IL22RA2: variants seen among roughly 807,000 people sequenced by gnomAD.
IL22RA2 encodes the protein interleukin-22 receptor subunit alpha-2.
A neutral mutation model predicts 30.7 loss-of-function variants in IL22RA2; 39 were observed. The ratio of observed to expected loss-of-function variants is 1.27; its 90% CI spans 0.98 to 1.66. The LOEUF (loss-of-function observed/expected upper bound fraction) is 1.66. Ranked by LOEUF, IL22RA2 falls within the 40% of genes most tolerant of loss-of-function variation. The pLI is 0.00. For missense variants in IL22RA2, 315 were observed against 312.7 expected (o/e 1.01, Z -0.05); for synonymous variants, 103 against 105.0 (o/e 0.98, Z 0.11).
intron 1 of IL22RA2, among the ~76,000 whole-genome samples, chr6:137,165,659 T>TG (rs905448898): frequency 6.6e-6 from 1 of 152,158 alleles, no homozygotes; most frequent in African/African-American, 2.4e-5. Context: ...TGCAAGCAGA[T>TG]GGGACACTAG....
At chr6:137,160,649 T>C (rs186539748) in intron 2 of IL22RA2, among the ~76,000 whole-genome samples, 14 of 152,328 alleles carry the variant, frequency 9.2e-5, no homozygotes, top group African/African-American at 2.9e-4. Context: ...CATTAACTTA[T>C]GTTAGGCACT....
rs763455584 is a variant in IL22RA2 at position 137,144,891 on chromosome 6, AAAAC to A, written c.*729_*732del. 1 of 152,194 alleles carries A rather than the reference AAAAC, an allele frequency of 6.6e-6. No individual in the cohort carries two copies. Among genetic ancestry groups the A allele is most frequent in the Non-Finnish European group, 1.5e-5 (1 of 68,038 alleles). 9.4% of individuals were successfully genotyped at this position (152,194 alleles called of 1,614,324 possible). On this transcript the variant is annotated 3_prime_UTR_variant, in exon 7 of 7. Coordinates refer to ENST00000296980, the MANE Select transcript of IL22RA2 (RefSeq NM_052962.3). ...ACAGGATTAAAAACTAAACAAAACA[AAAAC>A]AAACAGAAAAGAAAAGCTTAATATA...
At chr6:137,160,314 C>T (rs1316819912) in intron 2 of IL22RA2, among the ~76,000 whole-genome samples, 1 of 152,252 alleles carries the variant, frequency 6.6e-6, no homozygotes, top group Non-Finnish European at 1.5e-5. Flanking sequence ...CTTTTATCTG[C>T]ATTCACTCAT....
At chr6:137,169,504 T>A (rs897153726) in intron 1 of IL22RA2, among the ~76,000 whole-genome samples, 4 of 152,220 alleles carry the variant, frequency 2.6e-5, no homozygotes, top group African/African-American at 9.6e-5. Flanking sequence ...CTATCTGGTC[T>A]ATGATGAAGG....
chr6:137,164,398 A>G (rs1582609018), intron 1 of IL22RA2, among the ~76,000 whole-genome samples: 1 of 152,204 alleles, frequency 6.6e-6, no homozygotes, highest in African/African-American at 2.4e-5. Context: ...CTGCAGGCCT[A>G]CTTTGAGATC....
At chr6:137,164,957 T>C (rs951210668) in intron 1 of IL22RA2, among the ~76,000 whole-genome samples, 2 of 149,368 alleles carry the variant, frequency 1.3e-5, no homozygotes, top group Non-Finnish European at 2.9e-5. Flanking sequence ...CCTGGGTTGA[T>C]TGTAAACATT....
chr6:137,148,797 T>C (rs189002466), intron 5 of IL22RA2, among the ~76,000 whole-genome samples: 53 of 152,358 alleles, frequency 3.5e-4, no homozygotes, highest in Admixed American at 3.5e-3. Context: ...TAAATAAACA[T>C]GTCCCTTTTG....
At chr6:137,159,830 T>C (rs1166881605) in intron 2 of IL22RA2, among the ~76,000 whole-genome samples, 1 of 152,220 alleles carries the variant, frequency 6.6e-6, no homozygotes, top group Non-Finnish European at 1.5e-5. Context: ...TTTGCTCAAA[T>C]GTATCACGTT....
intron 1 of IL22RA2, among the ~76,000 whole-genome samples, chr6:137,171,801 C>T (rs949066665): frequency 5.3e-5 from 8 of 152,210 alleles, no homozygotes; most frequent in East Asian, 1.9e-4. Context: ...AGGGCAGTTG[C>T]GCTGCATGCT....
In IL22RA2 at chr6:137,173,531, G is replaced by A. The variant is rs1337888713; in HGVS notation, c.-184C>T. 1 of 152,170 alleles carries A rather than the reference G, an allele frequency of 6.6e-6. No individual in the cohort carries two copies. The highest frequency in any genetic ancestry group is 1.5e-5 in the Non-Finnish European group (1 of 68,042). The allele number at this position is 152,170 out of a possible 1,614,324, so 9.4% of individuals were successfully genotyped here. On this transcript the variant is annotated 5_prime_UTR_variant, in exon 1 of 7. Transcript: ENST00000296980. The stretch of plus-strand genomic sequence containing the variant: ...ATTTTGTCTTTGTTAATCCTCTTAT[G>A]AAGTCTAGGAGATTGGTATTATTAT...
At chr6:137,149,572 C>T (rs1778245519) in intron 5 of IL22RA2, among the ~76,000 whole-genome samples, 1 of 152,196 alleles carries the variant, frequency 6.6e-6, no homozygotes, top group Admixed American at 6.5e-5. Context: ...TTCTCTAGTC[C>T]TTTTCATAAG....
intron 6 of IL22RA2, among the ~76,000 whole-genome samples, chr6:137,146,525 C>T (rs1402010406): frequency 6.6e-6 from 1 of 152,194 alleles, no homozygotes; most frequent in African/African-American, 2.4e-5. Flanking sequence ...GCCTCTGTCC[C>T]TGAGATTGCT....
chr6:137,147,395 A>ATAAT (rs1778202486), intron 6 of IL22RA2, among the ~76,000 whole-genome samples: 1 of 150,530 alleles, frequency 6.6e-6, no homozygotes, highest in Non-Finnish European at 1.5e-5. Flanking sequence ...AAATAAATAA[A>ATAAT]TAAATAAATA....
chr6:137,160,493 C>A (rs1375721932), intron 2 of IL22RA2, among the ~76,000 whole-genome samples: 2 of 152,194 alleles, frequency 1.3e-5, no homozygotes, highest in Non-Finnish European at 1.5e-5. Context: ...TACCCTCCAA[C>A]AGAAAACCAA....
chr6:137,149,505 G>T (rs1314490920), intron 5 of IL22RA2, among the ~76,000 whole-genome samples: 1 of 152,036 alleles, frequency 6.6e-6, no homozygotes, highest in Non-Finnish European at 1.5e-5. Context: ...CATTATATCC[G>T]ATCTATCACC....
chr6:137,154,530 G>A (rs1356148910), intron 5 of IL22RA2, among the ~76,000 whole-genome samples: 6 of 152,210 alleles, frequency 3.9e-5, no homozygotes, highest in Admixed American at 6.5e-5. Flanking sequence ...CCGGAGAATC[G>A]CTTGAACCCG....
rs748380412 is a variant in IL22RA2 at position 137,147,814 on chromosome 6, G to A, written c.550C>T (p.Pro184Ser). The A allele has an allele frequency of 1.9e-6, 3 of 1,613,156 alleles. No individual in the cohort carries two copies. The African/African-American group carries it at 4.0e-5, about 22-fold the overall frequency. The change falls in exon 6 of 7, where the codon CCA becomes TCA. Residue 184 changes from proline to serine, a missense_variant. Physicochemically the swap from Pro to Ser is moderately conservative, Grantham distance 74. Coordinates refer to ENST00000296980, the MANE Select transcript of IL22RA2 (RefSeq NM_052962.3). The stretch of plus-strand genomic sequence containing the variant: ...TTTTTTTCCTTTTGGTATCTATATG[G>A]TAAATTTGGAGCATGGAGAATTACC... ...LLVILHAPNL[P>S]YRYQKEKNVS...
rs148789585 is a variant in IL22RA2, at chr6:137,159,866, C to T, written c.62-1384G>A. The stretch of plus-strand genomic sequence containing the variant: ...ATTGAGATGGTTAAAAAAACACTTC[C>T]AAGCCCATGGTCTCAGCTCTGAACT... On this transcript the variant is annotated intron_variant, in intron 2 of 6. Transcript: ENST00000296980. Among the ~76,000 whole-genome samples the T allele has an allele frequency of 3.9e-5, 6 of 152,352 alleles. No homozygotes were observed. The East Asian group carries it at 1.2e-3, about 29-fold the overall frequency.
At chr6:137,159,351 A>C (rs1307171006) in intron 2 of IL22RA2, among the ~76,000 whole-genome samples, 5 of 150,918 alleles carry the variant, frequency 3.3e-5, no homozygotes, top group African/African-American at 1.2e-4. Flanking sequence ...ATGGAGTTTC[A>C]CTCTTGTCGC....
Sources: allele counts gnomAD v4.1 joint callset (sites outside exome capture counted in the v4.1 genomes callset), GRCh38; gene constraint gnomAD v4.1.1; transcripts MANE v1.5; gene names NCBI Gene and HGNC (gene_info 2026-07-23, HGNC 2026-07-21).